TEKT4: variants seen among roughly 807,000 people sequenced by gnomAD.
TEKT4 encodes the protein tektin 4, also known as tektin-4.
Under a neutral mutation model 46.0 loss-of-function variants are expected in TEKT4, and 46 were observed. The ratio of observed to expected loss-of-function variants is 1.00; its 90% CI spans 0.79 to 1.28. The LOEUF is 1.28. Ranked by LOEUF, TEKT4 falls within the 50% of genes most tolerant of loss-of-function variation. TEKT4 has a pLI of 0.00. For missense variants in TEKT4, 790 were observed against 622.9 expected (o/e 1.27, Z -2.85); for synonymous variants, 325 against 265.8 (o/e 1.22, Z -2.17).
rs375178230 is a variant in TEKT4 at position 94,873,510 on chromosome 2, C to G, written c.499-10C>G. ...ACTGGCTCTGGTGCTCAGGGCGTCT[C>G]CTCCCTCAGGAAGCCGAGCTCATCC... On this transcript the variant is annotated splice_polypyrimidine_tract_variant and intron_variant, in intron 1 of 5. Transcript: ENST00000295201. The G allele has an allele frequency of 1.8e-5, 29 of 1,612,038 alleles. No homozygotes were observed. Among genetic ancestry groups the G allele is most frequent in the Non-Finnish European group, 2.2e-5 (26 of 1,180,022 alleles).
Position 94,874,039 on chromosome 2 carries a change from C to T in TEKT4, c.644C>T (p.Thr215Ile). The change falls in exon 3 of 6, where the codon ACC (threonine) becomes ATC (isoleucine). Residue 215 changes from threonine to isoleucine, a missense_variant. Coordinates refer to ENST00000295201, the MANE Select transcript of TEKT4 (RefSeq NM_144705.4). ...DKMEAYNIDE[T>I]CGRHHSQSTE... ...ATGGAGGCCTACAACATCGACGAGACCTGCGGGCGCCACCACAGCCAGAGC... is the reference window on the plus strand; with the variant it reads ...ATGGAGGCCTACAACATCGACGAGATCTGCGGGCGCCACCACAGCCAGAGC... The T allele has an allele frequency of 6.2e-7, 1 of 1,613,782 alleles. No homozygotes were observed. The highest frequency in any genetic ancestry group is 1.1e-5 in the South Asian group (1 of 91,084).
At chr2:94,872,209 T>A in intron 1 of TEKT4, 132 bp downstream of exon 1, 2 of 1,008,664 alleles carry the variant, frequency 2.0e-6, no homozygotes, top group Non-Finnish European at 2.7e-6. Flanking sequence ...GTGAGACCCC[T>A]GAGTCCCGAA....
chr2:94,872,128 C>G (rs1490908390), intron 1 of TEKT4, 51 bp downstream of exon 1: 4 of 1,407,528 alleles, frequency 2.8e-6, no homozygotes, highest in African/African-American at 1.5e-5. Context: ...GAGGAGGAGC[C>G]CCCCCCCCCG....
chr2:94,872,052 A>C lies in TEKT4; in HGVS notation c.473A>C (p.Asp158Ala). The C allele has an allele frequency of 6.4e-7, 1 of 1,550,648 alleles. No homozygotes were observed. Among genetic ancestry groups the C allele is most frequent in the Non-Finnish European group, 8.7e-7 (1 of 1,148,040 alleles). The change falls in exon 1 of 6, where the codon GAC becomes GCC. Residue 158 changes from aspartate (D) to alanine (A), a missense_variant. Asp to Ala is a moderately radical substitution (Grantham distance 126, BLOSUM62 -2). Transcript: ENST00000295201. ...CGCGAGCACCCCAACCTCGTGCGCG[A>C]CCATGTGGAAACGGAGCTGCTGAAG... ...ERREHPNLVR[D>A]HVETELLKEA...
intron 5 of TEKT4, 24 bp downstream of exon 5, chr2:94,875,766 G>A (rs782241994): frequency 1.5e-5 from 24 of 1,608,862 alleles, no homozygotes; most frequent in Non-Finnish European, 2.0e-5. Flanking sequence ...CTCTGAGGCA[G>A]TCCCAGGTGG....
chr2:94,873,679 C>T lies in TEKT4; in HGVS notation c.569+89C>T, dbSNP rs1271189235. On this transcript the variant is annotated intron_variant, in intron 2 of 5. Transcript: ENST00000295201. ...CATTGAACGACAGGACCCTGAGACT[C>T]AGAGCCAGCAGGGGCTGCCCCAGGT... 3 of 1,535,486 alleles carry T rather than the reference C, an allele frequency of 2.0e-6. No homozygotes were observed. In the African/African-American group the frequency reaches 4.1e-5, roughly 21 times the overall value.
At chr2:94,876,074 G>A (rs1680839104) in intron 5 of TEKT4, among the ~76,000 whole-genome samples, 2 of 152,226 alleles carry the variant, frequency 1.3e-5, no homozygotes, top group African/African-American at 4.8e-5. Flanking sequence ...AGGCCAGGCA[G>A]GGCCATTCCC....
rs782162775 is a variant in TEKT4, at chr2:94,871,999, C to T, written c.420C>T (p.Thr140=). The stretch of plus-strand genomic sequence containing the variant: ...CCACAGAGGTGCCCTTCTCCATCAC[C>T]ACTGACAACCTGCAGTGCCGTGAGC... ...LDATEVPFSI[T]TDNLQCRERR... is the part of the protein sequence containing the mutation. The change falls in exon 1 of 6, where the codon ACC becomes ACT. Residue 140 remains threonine (T), a synonymous_variant. Transcript: ENST00000295201. 1 of 1,598,092 alleles carries T rather than the reference C, an allele frequency of 6.3e-7. No homozygotes were observed. Among genetic ancestry groups the T allele is most frequent in the Non-Finnish European group, 8.5e-7 (1 of 1,173,858 alleles).
chr2:94,872,762 T>G (rs1680634499), intron 1 of TEKT4: 2 of 1,250,914 alleles, frequency 1.6e-6, no homozygotes, highest in Admixed American at 2.3e-5. Flanking sequence ...GCAAGAACCC[T>G]TGAGTCCCTC....
intron 1 of TEKT4, 32 bp from the exon 2 acceptor site, chr2:94,873,488 G>A (rs781795256): frequency 6.2e-7 from 1 of 1,611,874 alleles, no homozygotes; most frequent in South Asian, 1.1e-5. Flanking sequence ...ACCAGGGACT[G>A]GCTCTGGTGC....
rs782656343 is a variant in TEKT4 at position 94,871,635 on chromosome 2, G to GT, written c.57dup (p.Asn20Ter). 9.2e-5 allele frequency: 149 copies of GT among 1,612,306 alleles called. No individual in the cohort carries two copies. Among genetic ancestry groups the GT allele is most frequent in the Non-Finnish European group, 1.2e-4 (146 of 1,179,872 alleles). On this transcript the variant is annotated frameshift_variant, in exon 1 of 6. Coordinates refer to ENST00000295201, the MANE Select transcript of TEKT4 (RefSeq NM_144705.4). LOFTEE classifies it high-confidence loss of function. ...CCCTGCAAAGAGTACGACGTGGCCC[G>GT]TAACACGGGCGCCTACACGTCCTCC...
rs1411035808 is a variant in TEKT4 at position 94,874,998 on chromosome 2, G to A, written c.936G>A (p.Lys312=). 2.5e-6 allele frequency: 4 copies of A among 1,598,056 alleles called. No individual in the cohort carries two copies. Among genetic ancestry groups the A allele is most frequent in the Admixed American group, 1.7e-5 (1 of 58,690 alleles). The change falls in exon 4 of 6, where the codon AAG becomes AAA. Residue 312 remains lysine, a splice_region_variant and synonymous_variant. Coordinates refer to ENST00000295201, the MANE Select transcript of TEKT4 (RefSeq NM_144705.4). The stretch of plus-strand genomic sequence containing the variant: ...ACAAGCTGCATCACCACCTGCACAA[G>A]GTGGGGCACCCTGAACCCCGAAGAC... The part of the protein sequence containing the change: ...ARYKLHHHLH[K]TLREITDQEH...
intron 5 of TEKT4, 83 bp from the exon 6 acceptor site, chr2:94,876,470 G>A: frequency 8.2e-7 from 1 of 1,216,842 alleles, no homozygotes; most frequent in South Asian, 1.4e-5. Flanking sequence ...AGCTCCCATT[G>A]GGAGTTTTGG....
rs111343724 is a variant in TEKT4 at position 94,871,624 on chromosome 2, C to G, written c.45C>G (p.Tyr15Ter). Residue 15 changes from tyrosine to a stop codon, truncating the protein, a stop_gained, in exon 1 of 6, where the codon TAC becomes TAG. Coordinates refer to ENST00000295201, the MANE Select transcript of TEKT4 (RefSeq NM_144705.4). LOFTEE classifies it high-confidence loss of function. ...VPPCELPCKE[Y>*]DVARNTGAYT... ...CCTGCGAGCTGCCCTGCAAAGAGTACGACGTGGCCCGTAACACGGGCGCCT... is the reference window on the plus strand; with the variant it reads ...CCTGCGAGCTGCCCTGCAAAGAGTAGGACGTGGCCCGTAACACGGGCGCCT... 3 of 1,612,094 alleles carry G rather than the reference C, an allele frequency of 1.9e-6. No homozygotes were observed. Among genetic ancestry groups the G allele is most frequent in the Non-Finnish European group, 2.5e-6 (3 of 1,179,754 alleles).
At chr2:94,874,437 C>T (rs575062895) in intron 3 of TEKT4, among the ~76,000 whole-genome samples, 20 of 149,532 alleles carry the variant, frequency 1.3e-4, no homozygotes, top group Non-Finnish European at 2.4e-4. Flanking sequence ...AAAAAGAGGG[C>T]GCGGGCGCTG....
Position 94,876,670 on chromosome 2 carries a change from C to T in TEKT4, c.1209C>T (p.Asp403=), listed in dbSNP as rs1553396724. 1 of 1,613,406 alleles carries T rather than the reference C, an allele frequency of 6.2e-7. No homozygotes were observed. Among genetic ancestry groups the T allele is most frequent in the Non-Finnish European group, 8.5e-7 (1 of 1,179,994 alleles). The part of the protein sequence containing the change: ...LEDIHMSLEK[D]IAAMTNSLFI... ...ACATCCACATGAGCCTGGAGAAGGA[C>T]ATTGCCGCCATGACCAACAGTCTCT... is the stretch of plus-strand genomic sequence containing the variant. Residue 403 remains aspartate (D), a synonymous_variant, in exon 6 of 6, where the codon GAC becomes GAT. Transcript: ENST00000295201.
At position 94,873,959 on chromosome 2, in the gene TEKT4, C is replaced by T. The variant is rs781962468; in HGVS notation, c.570-6C>T. The T allele has an allele frequency of 7.4e-6, 12 of 1,613,672 alleles. 1 individual carries two copies. Among genetic ancestry groups the T allele is most frequent in the Non-Finnish European group, 7.6e-6 (9 of 1,179,942 alleles). ...CACATCAAGGCCCTGCCCCACCCCG[C>T]CCCAGACTGAACCGGGAGCACAAGG... is the stretch of plus-strand genomic sequence containing the variant. On this transcript the variant is annotated splice_region_variant and splice_polypyrimidine_tract_variant and intron_variant, in intron 2 of 5. Transcript: ENST00000295201.
Position 94,872,042 on chromosome 2 carries a change from C to G in TEKT4, c.463C>G (p.Leu155Val), listed in dbSNP as rs376739528. Residue 155 changes from leucine to valine, a missense_variant, in exon 1 of 6, where the codon CTC becomes GTC. Coordinates refer to ENST00000295201, the MANE Select transcript of TEKT4 (RefSeq NM_144705.4). ...QCRERREHPN[L>V]VRDHVETELL... ...CCGTGAGCGCCGCGAGCACCCCAAC[C>G]TCGTGCGCGACCATGTGGAAACGGA... is the stretch of plus-strand genomic sequence containing the variant. 21 of 1,556,844 alleles carry G rather than the reference C, an allele frequency of 1.3e-5. No homozygotes were observed. The East Asian group carries it at 4.3e-4, about 32-fold the overall frequency.
At position 94,873,604 on chromosome 2, in the gene TEKT4, T is replaced by C. The variant is rs782409103; in HGVS notation, c.569+14T>C. The C allele has an allele frequency of 3.0e-5, 49 of 1,613,420 alleles. No homozygotes were observed. Among genetic ancestry groups the C allele is most frequent in the Non-Finnish European group, 4.0e-5 (47 of 1,179,972 alleles). Reference sequence around the variant, plus strand: ...GAGCCAGATCCGGTGGGTAGAGGGCTGCCCAAGGGATGATTCCTGACCCTA... The same window carrying C: ...GAGCCAGATCCGGTGGGTAGAGGGCCGCCCAAGGGATGATTCCTGACCCTA... On this transcript the variant is annotated intron_variant, in intron 2 of 5. Coordinates refer to ENST00000295201, the MANE Select transcript of TEKT4 (RefSeq NM_144705.4).
Sources: allele counts gnomAD v4.1 joint callset (sites outside exome capture counted in the v4.1 genomes callset), GRCh38; gene constraint gnomAD v4.1.1; transcripts MANE v1.5; gene names NCBI Gene and HGNC (gene_info 2026-07-23, HGNC 2026-07-21).